Variants in LRRFIP2 observed in about 807,000 individuals in gnomAD.
LRRFIP2 encodes leucine-rich repeat flightless-interacting protein 2.
A neutral mutation model predicts 125.9 loss-of-function variants in LRRFIP2; 109 were observed. The ratio of observed to expected loss-of-function variants is 0.87; its 90% CI spans 0.74 to 1.01. The LOEUF is 1.01. Ranked by LOEUF, LRRFIP2 falls within the 50% of genes least tolerant of loss-of-function variation. The pLI is 0.00. For missense variants in LRRFIP2, 850 were observed against 862.3 expected (o/e 0.99, Z 0.18); for synonymous variants, 291 against 293.1 (o/e 0.99, Z 0.07).
chr3:37,165,234 C>CA (rs981696081), intron 1 of LRRFIP2, among the ~76,000 whole-genome samples: 269 of 111,438 alleles, frequency 2.4e-3, no homozygotes, highest in Non-Finnish European at 3.4e-3. Flanking sequence ...GACTCTGTCT[C>CA]AAAAAAAAAA....
intron 2 of LRRFIP2, chr3:37,134,924 A>G (rs1043530790): frequency 6.5e-6 from 9 of 1,376,650 alleles, no homozygotes; most frequent in Admixed American, 3.4e-5. Context: ...TCGATATTCT[A>G]AGATCACAGT....
chr3:37,116,004 T>C (rs2149487896), intron 6 of LRRFIP2, among the ~76,000 whole-genome samples: 1 of 152,352 alleles, frequency 6.6e-6, no homozygotes, highest in South Asian at 2.1e-4. Flanking sequence ...AATATCTTTC[T>C]TTTCCAACTC....
intron 1 of LRRFIP2, among the ~76,000 whole-genome samples, chr3:37,155,460 T>C (rs968405088): frequency 6.6e-6 from 1 of 152,208 alleles, no homozygotes; most frequent in Admixed American, 6.5e-5. Flanking sequence ...TTGACTATAA[T>C]CATTTTGCTG....
At chr3:37,054,541 T>C (rs1321257612) in intron 26 of LRRFIP2, 26 bp from the exon 27 acceptor site, 1 of 1,451,564 alleles carries the variant, frequency 6.9e-7, no homozygotes, top group Non-Finnish European at 9.6e-7. Flanking sequence ...CATAGGCCTC[T>C]AGTACTGGGC....
intron 25 of LRRFIP2, among the ~76,000 whole-genome samples, chr3:37,055,805 C>T (rs1413472544): frequency 2.6e-5 from 4 of 152,152 alleles, no homozygotes; most frequent in Non-Finnish European, 4.4e-5. Flanking sequence ...CCTTGTGGAG[C>T]CTCCCTGCCC....
chr3:37,063,313 A>C (rs569344509), intron 24 of LRRFIP2, among the ~76,000 whole-genome samples: 1 of 152,344 alleles, frequency 6.6e-6, no homozygotes, highest in Non-Finnish European at 1.5e-5. Flanking sequence ...TGGCAGGGAC[A>C]AAGGATGAAA....
chr3:37,135,547 A>G (rs1012747562), intron 2 of LRRFIP2, among the ~76,000 whole-genome samples: 2 of 152,126 alleles, frequency 1.3e-5, no homozygotes, highest in African/African-American at 4.8e-5. Context: ...CTTTACCATC[A>G]TAATTTTGTA....
At chr3:37,173,336 G>A (rs2096612164) in intron 1 of LRRFIP2, among the ~76,000 whole-genome samples, 1 of 151,954 alleles carries the variant, frequency 6.6e-6, no homozygotes, top group African/African-American at 2.4e-5. Context: ...ACAAGCAGCT[G>A]GGACTGCAGG....
At chr3:37,122,611 G>A (rs904276241) in intron 4 of LRRFIP2, among the ~76,000 whole-genome samples, 13 of 152,206 alleles carry the variant, frequency 8.5e-5, no homozygotes, top group African/African-American at 2.4e-4. Flanking sequence ...TTACTGTAAA[G>A]ATTTTTTTTC....
chr3:37,088,517 A>C (rs966067703), intron 18 of LRRFIP2, among the ~76,000 whole-genome samples: 4 of 151,884 alleles, frequency 2.6e-5, no homozygotes, highest in Non-Finnish European at 4.4e-5. Flanking sequence ...TTTAAAAAAA[A>C]AAAAAAGCGA....
chr3:37,136,957 G>GGGGGGT (rs2095569731), intron 2 of LRRFIP2, among the ~76,000 whole-genome samples: 1 of 686 alleles, frequency 1.5e-3, no homozygotes, highest in Non-Finnish European at 0.031. Context: ...TTTCTTTTTT[G>GGGGGGT]GGGGGGGTGG....
At chr3:37,122,361 G>A (rs542034911) in intron 4 of LRRFIP2, among the ~76,000 whole-genome samples, 82 of 152,066 alleles carry the variant, frequency 5.4e-4, no homozygotes, top group African/African-American at 1.6e-3. Flanking sequence ...TTTATCAGGC[G>A]TATGTATGTC....
chr3:37,099,783 C>A (rs531785659), intron 15 of LRRFIP2, among the ~76,000 whole-genome samples: 3 of 152,204 alleles, frequency 2.0e-5, no homozygotes, highest in Admixed American at 6.5e-5. Context: ...CTAGAACCCC[C>A]AAAAATATTA....
chr3:37,151,787 G>A (rs899122002), intron 1 of LRRFIP2, among the ~76,000 whole-genome samples: 21 of 151,984 alleles, frequency 1.4e-4, no homozygotes, highest in African/African-American at 4.6e-4. Context: ...TAGTAGAAAC[G>A]GGGTTTCGCC....
At chr3:37,167,844 G>A (rs1403982412) in intron 1 of LRRFIP2, among the ~76,000 whole-genome samples, 1 of 152,004 alleles carries the variant, frequency 6.6e-6, no homozygotes, top group Non-Finnish European at 1.5e-5. Context: ...GCATGGCAGT[G>A]CACACCTGTA....
intron 21 of LRRFIP2, chr3:37,067,918 A>G (rs947187653): frequency 1.2e-4 from 19 of 152,310 alleles, no homozygotes; most frequent in African/African-American, 4.6e-4. Context: ...TGAAGGCCAC[A>G]TTATATTCCC....
At chr3:37,138,321 G>C (rs2095608402) in intron 2 of LRRFIP2, among the ~76,000 whole-genome samples, 1 of 152,134 alleles carries the variant, frequency 6.6e-6, no homozygotes, top group South Asian at 2.1e-4. Context: ...ACTCATGTGA[G>C]GCCAATCAAT....
At chr3:37,117,827 G>C (rs1356027696) in intron 6 of LRRFIP2, among the ~76,000 whole-genome samples, 1 of 152,140 alleles carries the variant, frequency 6.6e-6, no homozygotes, top group Non-Finnish European at 1.5e-5. Flanking sequence ...ATTTTCCTGG[G>C]CTACACACCA....
At position 37,129,155 on chromosome 3, in the gene LRRFIP2, A is replaced by G. The variant is rs775511192; in HGVS notation, c.91-6T>C. 1.9e-6 allele frequency: 3 copies of G among 1,613,268 alleles called. No individual in the cohort carries two copies. The East Asian group carries it at 6.7e-5, about 36-fold the overall frequency. ...GCTGCCAGCCTTGCCTCTGCCTGAA[A>G]AGTAATATAAAACTCAGCTTTATAC... On this transcript the variant is annotated splice_region_variant and splice_polypyrimidine_tract_variant and intron_variant, in intron 2 of 27. Coordinates refer to ENST00000336686, the MANE Select transcript of LRRFIP2 (RefSeq NM_006309.4).
Sources: allele counts gnomAD v4.1 joint callset (sites outside exome capture counted in the v4.1 genomes callset), GRCh38; gene constraint gnomAD v4.1.1; transcripts MANE v1.5; gene names NCBI Gene and HGNC (gene_info 2026-07-23, HGNC 2026-07-21).